MGAT5: variants seen among roughly 807,000 people sequenced by gnomAD.
MGAT5 encodes the protein alpha-1,6-mannosylglycoprotein 6-beta-N-acetylglucosaminyltransferase.
Under a neutral mutation model 94.3 loss-of-function variants are expected in MGAT5, and 30 were observed. That is an observed-to-expected ratio of 0.32 (90% CI 0.24 to 0.43). The LOEUF is 0.43. Among genes scored for constraint, MGAT5 ranks in the 20% least tolerant of loss-of-function variants. The pLI is 1.00. For missense variants in MGAT5, 691 were observed against 905.5 expected, an observed-to-expected ratio of 0.76 and a Z score of 3.04; for synonymous variants, 310 against 322.9, an observed-to-expected ratio of 0.96 and a Z score of 0.43.
rs1427840803 is a variant in MGAT5, at chr2:134,332,169, G to A, written c.574-4048G>A. 1.2e-3 allele frequency among the ~76,000 whole-genome samples: 178 copies of A among 151,786 alleles called. 1 individual carries two copies. Among genetic ancestry groups the A allele is most frequent in the South Asian group, 0.01 (48 of 4,798 alleles). On this transcript the variant is annotated intron_variant, in intron 4 of 15. Coordinates refer to ENST00000281923, the MANE Select transcript of MGAT5 (RefSeq NM_002410.5). Reference sequence around the variant, plus strand: ...AAAAGAACAAAGCTGGAGGCATCACGCTACCTGACTTCAAACTATACTACA... The same window carrying A: ...AAAAGAACAAAGCTGGAGGCATCACACTACCTGACTTCAAACTATACTACA...
chr2:134,409,703 C>A (rs1193823740), intron 11 of MGAT5, among the ~76,000 whole-genome samples: 1 of 152,170 alleles, frequency 6.6e-6, no homozygotes, highest in East Asian at 1.9e-4. Context: ...GGATAAGAAC[C>A]CCCTTTATCC....
intron 1 of MGAT5, among the ~76,000 whole-genome samples, chr2:134,241,117 A>G (rs1681948154): frequency 6.6e-6 from 1 of 152,256 alleles, no homozygotes; most frequent in Non-Finnish European, 1.5e-5. Flanking sequence ...TGTAATCTTC[A>G]TAGCCACCCA....
chr2:134,264,264 G>A (rs1249624095), intron 1 of MGAT5, among the ~76,000 whole-genome samples: 3 of 151,824 alleles, frequency 2.0e-5, no homozygotes, highest in Non-Finnish European at 4.4e-5. Context: ...TCAGGTGATC[G>A]GTCCCCCTCG....
chr2:134,385,822 C>T (rs1681936573), intron 10 of MGAT5, among the ~76,000 whole-genome samples: 2 of 152,078 alleles, frequency 1.3e-5, no homozygotes, highest in African/African-American at 4.8e-5. Context: ...GGAAGAAATG[C>T]AGATGATTAG....
chr2:134,278,411 T>A (rs1452124830), intron 2 of MGAT5, among the ~76,000 whole-genome samples: 1 of 152,178 alleles, frequency 6.6e-6, no homozygotes, highest in Non-Finnish European at 1.5e-5. Context: ...AGCAGGGTCA[T>A]GATTGGCTTG....
chr2:134,374,809 C>G (rs1681056140), intron 10 of MGAT5, among the ~76,000 whole-genome samples: 2 of 152,116 alleles, frequency 1.3e-5, no homozygotes, highest in Admixed American at 1.3e-4. Context: ...CCTGGGCAAC[C>G]TGGCGAAACC....
rs572284027 is a variant in MGAT5, at chr2:134,276,169, G to A, written c.406+5619G>A. 1.7e-4 allele frequency among the ~76,000 whole-genome samples: 13 copies of A among 76,096 alleles called. No individual in the cohort carries two copies. In the South Asian group the frequency reaches 4.4e-3, roughly 25 times the overall value. 49.9% of individuals were successfully genotyped at this position (76,096 alleles called of 152,430 possible). On this transcript the variant is annotated intron_variant, in intron 2 of 15. Coordinates refer to ENST00000281923, the MANE Select transcript of MGAT5 (RefSeq NM_002410.5). Reference sequence around the variant, plus strand: ...GCTGTTCACAAGCCCCCCCACCCCCGCCGCCCGCCAATCTCCACCTCATTT... The same window carrying A: ...GCTGTTCACAAGCCCCCCCACCCCCACCGCCCGCCAATCTCCACCTCATTT...
chr2:134,344,229 G>A (rs936619687), intron 7 of MGAT5, among the ~76,000 whole-genome samples: 1 of 152,184 alleles, frequency 6.6e-6, no homozygotes, highest in East Asian at 1.9e-4. Context: ...CTGAGCGCAA[G>A]TATGGTTTTG....
intron 2 of MGAT5, among the ~76,000 whole-genome samples, chr2:134,299,883 T>A (rs936963060): frequency 3.3e-5 from 5 of 152,156 alleles, no homozygotes; most frequent in Non-Finnish European, 7.3e-5. Flanking sequence ...GCTTAAGAAA[T>A]TCCTCCCTGG....
chr2:134,322,586 A>G (rs1687397504), intron 4 of MGAT5, among the ~76,000 whole-genome samples: 1 of 152,196 alleles, frequency 6.6e-6, no homozygotes, highest in Non-Finnish European at 1.5e-5. Flanking sequence ...AGTGCACCCT[A>G]CCATTGTTAA....
intron 1 of MGAT5, among the ~76,000 whole-genome samples, chr2:134,148,643 T>A (rs193005819): frequency 2.0e-5 from 3 of 152,320 alleles, no homozygotes; most frequent in Admixed American, 2.0e-4. Context: ...TTATCCACGA[T>A]GAGATTATAC....
At chr2:134,187,519 C>T (rs1444270218) in intron 1 of MGAT5, among the ~76,000 whole-genome samples, 1 of 152,226 alleles carries the variant, frequency 6.6e-6, no homozygotes, top group African/African-American at 2.4e-5. Context: ...CAGATCTTTA[C>T]TTGCTCTGTT....
At position 134,352,413 on chromosome 2, in the gene MGAT5, A is replaced by G. The variant is rs371449501; in HGVS notation, c.1246+2475A>G. Among the ~76,000 whole-genome samples, 15 of 152,330 alleles carry G rather than the reference A, an allele frequency of 9.8e-5. No individual in the cohort carries two copies. In the South Asian group the frequency reaches 2.9e-3, roughly 29 times the overall value. ...CTTTCATTCTAGGAGGGGCATGTCT[A>G]GGATATTTTAAGTGATAAGAGCCAA... On this transcript the variant is annotated intron_variant, in intron 9 of 15. Transcript: ENST00000281923.
chr2:134,193,125 ATTTT>A (rs1161424806), intron 1 of MGAT5, among the ~76,000 whole-genome samples: 1 of 131,282 alleles, frequency 7.6e-6, no homozygotes. Flanking sequence ...TTTATTTTTT[ATTTT>A]TTTTTTTTTT....
At chr2:134,420,577 A>G (rs1255546752) in intron 12 of MGAT5, among the ~76,000 whole-genome samples, 1 of 152,166 alleles carries the variant, frequency 6.6e-6, no homozygotes, top group Non-Finnish European at 1.5e-5. Flanking sequence ...GCTAAGGGAA[A>G]GACGGAGGGG....
chr2:134,137,646 C>T (rs1686470214), intron 1 of MGAT5, among the ~76,000 whole-genome samples: 1 of 152,046 alleles, frequency 6.6e-6, no homozygotes, highest in Non-Finnish European at 1.5e-5. Flanking sequence ...ACACAAATCC[C>T]TCGGATAACC....
chr2:134,335,162 G>C lies in MGAT5; in HGVS notation c.574-1055G>C, dbSNP rs745781190. Among the ~76,000 whole-genome samples the C allele has an allele frequency of 5.9e-5, 9 of 151,510 alleles. No individual in the cohort carries two copies. The Admixed American group carries it at 5.9e-4, about 10-fold the overall frequency. On this transcript the variant is annotated intron_variant, in intron 4 of 15. Transcript: ENST00000281923. ...ACATGTTTCTTTGAAAACTTACCCA[G>C]ACTGAGAGGGCACACTGTCTTGTGC...
At chr2:134,419,298 G>A (rs72980078) in intron 12 of MGAT5, among the ~76,000 whole-genome samples, 13,200 of 152,164 alleles carry the variant, frequency 0.087, 622 homozygotes, top group Middle Eastern at 0.13. Flanking sequence ...GAAAAGTTCC[G>A]CAAGGCCTTA....
intron 10 of MGAT5, among the ~76,000 whole-genome samples, chr2:134,378,516 CTG>C (rs1558839016): frequency 6.6e-6 from 1 of 152,116 alleles, no homozygotes; most frequent in Non-Finnish European, 1.5e-5. Flanking sequence ...TTTACTCTCT[CTG>C]TGCTCTTTTA....
Sources: allele counts gnomAD v4.1 joint callset (sites outside exome capture counted in the v4.1 genomes callset), GRCh38; gene constraint gnomAD v4.1.1; transcripts MANE v1.5; gene names NCBI Gene and HGNC (gene_info 2026-07-23, HGNC 2026-07-21).